The following PTK2B variants were observed in gnomAD, a reference collection of about 807,000 sequenced individuals.
The protein encoded by PTK2B is protein-tyrosine kinase 2-beta.
A neutral mutation model predicts 142.9 loss-of-function variants in PTK2B; 71 were observed. The observed-to-expected ratio is 0.50, with a 90% CI of 0.41 to 0.61. PTK2B has a LOEUF of 0.61. Ranked by LOEUF, PTK2B falls within the 20% of genes least tolerant of loss-of-function variation. PTK2B has a pLI of 0.00. For synonymous variants in PTK2B, 519 were observed against 503.4 expected (o/e 1.03, Z -0.42); for missense variants, 1,105 against 1,320.4 (o/e 0.84, Z 2.53).
intron 1 of PTK2B, among the ~76,000 whole-genome samples, chr8:27,388,590 T>C (rs1807516357): frequency 1.3e-5 from 2 of 152,208 alleles, no homozygotes; most frequent in Non-Finnish European, 2.9e-5. Context: ...TTTTGCCCAG[T>C]CTGTCGCTGT....
intron 20 of PTK2B, among the ~76,000 whole-genome samples, chr8:27,439,697 T>A (rs1428144865): frequency 6.6e-6 from 1 of 152,130 alleles, no homozygotes; most frequent in Non-Finnish European, 1.5e-5. Flanking sequence ...TGACTTATTC[T>A]GAGAGAGGTA....
intron 1 of PTK2B, among the ~76,000 whole-genome samples, chr8:27,373,718 A>C (rs1232110945): frequency 6.6e-6 from 1 of 152,174 alleles, no homozygotes; most frequent in East Asian, 1.9e-4. Context: ...TGGAGATTTC[A>C]CATTAAAACT....
At chr8:27,346,930 C>A (rs796345059) in intron 1 of PTK2B, among the ~76,000 whole-genome samples, 29 of 152,312 alleles carry the variant, frequency 1.9e-4, no homozygotes, top group African/African-American at 6.3e-4. Flanking sequence ...GTTTGACAGC[C>A]CTCAGTGATA....
At chr8:27,346,378 A>T (rs1174728430) in intron 1 of PTK2B, among the ~76,000 whole-genome samples, 1 of 152,162 alleles carries the variant, frequency 6.6e-6, no homozygotes, top group Admixed American at 6.5e-5. Flanking sequence ...CCACACAAAA[A>T]AAATACAAAA....
chr8:27,372,462 G>T (rs1806418406), intron 1 of PTK2B, among the ~76,000 whole-genome samples: 2 of 152,116 alleles, frequency 1.3e-5, no homozygotes, highest in Non-Finnish European at 2.9e-5. Flanking sequence ...TTACTCAGCA[G>T]GGGGGTCAGC....
At chr8:27,429,826 C>G (rs193238168) in intron 5 of PTK2B, among the ~76,000 whole-genome samples, 1 of 152,320 alleles carries the variant, frequency 6.6e-6, no homozygotes, top group African/African-American at 2.4e-5. Context: ...ATGGAGCCAC[C>G]ATCTTCCTCC....
chr8:27,442,933 C>G lies in PTK2B; in HGVS notation c.2098C>G (p.Arg700Gly). ...AMEQERNARYRTPKILEPTAF... is the reference protein window; with the variant it reads ...AMEQERNARYGTPKILEPTAF... The stretch of plus-strand genomic sequence containing the variant: ...GGAGCAAGAGAGGAATGCTCGCTAC[C>G]GAACCCCCAAAATCTTGGAGCCCAC... The change falls in exon 22 of 31, where the codon CGA becomes GGA. Residue 700 changes from arginine to glycine, a missense_variant. Physicochemically the swap from Arg to Gly is moderately radical, Grantham distance 125 (BLOSUM62 -2). Coordinates refer to ENST00000346049, the MANE Select transcript of PTK2B (RefSeq NM_173176.3). The G allele has an allele frequency of 1.2e-6, 2 of 1,614,152 alleles. No individual in the cohort carries two copies. Among genetic ancestry groups the G allele is most frequent in the Non-Finnish European group, 1.7e-6 (2 of 1,180,006 alleles).
intron 1 of PTK2B, among the ~76,000 whole-genome samples, chr8:27,368,255 T>G (rs1806135143): frequency 6.6e-6 from 1 of 152,224 alleles, no homozygotes; most frequent in Admixed American, 6.5e-5. Flanking sequence ...TTCCTTCCAC[T>G]GACAAGGACT....
In PTK2B at chr8:27,420,638, C is replaced by T. The variant is rs1809686328; in HGVS notation, c.384-19C>T. ...ACCAGCTTCTCTGTGTCAACCAGAG[C>T]CTGAATGTCTTGTTGCAGGTATGAC... On this transcript the variant is annotated intron_variant, in intron 3 of 30. Coordinates refer to ENST00000346049, the MANE Select transcript of PTK2B (RefSeq NM_173176.3). 1 of 1,607,828 alleles carries T rather than the reference C, an allele frequency of 6.2e-7. No homozygotes were observed. Among genetic ancestry groups the T allele is most frequent in the South Asian group, 1.1e-5 (1 of 90,948 alleles).
In PTK2B at chr8:27,436,327, T is replaced by C. The variant is rs1336699507; in HGVS notation, c.1320T>C (p.Tyr440=). ...GGGAAGGCTTTTTTGGGGAGGTCTA[T>C]GAAGGTGTCTACACAAATCACGTGA... is the stretch of plus-strand genomic sequence containing the variant. ...ILGEGFFGEV[Y]EGVYTNHKGE... is the part of the protein sequence containing the mutation. Residue 440 remains tyrosine, a synonymous_variant, in exon 15 of 31, where the codon TAT becomes TAC. Transcript: ENST00000346049. 6 of 1,613,734 alleles carry C rather than the reference T, an allele frequency of 3.7e-6. No homozygotes were observed. The African/African-American group carries it at 4.0e-5, about 11-fold the overall frequency.
chr8:27,397,745 A>T lies in PTK2B; in HGVS notation c.161A>T (p.Lys54Ile). 1 of 1,614,264 alleles carries T rather than the reference A, an allele frequency of 6.2e-7. No individual in the cohort carries two copies. The highest frequency in any genetic ancestry group is 2.2e-5 in the East Asian group (1 of 44,888). ...TATAGCAACAGCTTCAATCCTGGGA[A>T]AAACTTCAAACTGGTCAAATGCACT... ...CFYSNSFNPG[K>I]NFKLVKCTVQ... Residue 54 changes from lysine to isoleucine, a missense_variant, in exon 2 of 31, where the codon AAA (lysine) becomes ATA (isoleucine). Physicochemically the swap from Lys to Ile is moderately radical, Grantham distance 102. Coordinates refer to ENST00000346049, the MANE Select transcript of PTK2B (RefSeq NM_173176.3).
chr8:27,445,648 G>C (rs1006531898), intron 23 of PTK2B, 146 bp from the exon 24 acceptor site: 1 of 1,184,882 alleles, frequency 8.4e-7, no homozygotes, highest in Non-Finnish European at 1.2e-6. Flanking sequence ...GAAGGCCCAC[G>C]TTTTGTTCTT....
intron 17 of PTK2B, 21 bp downstream of exon 17, chr8:27,437,517 A>T (rs750014305): frequency 6.4e-7 from 1 of 1,564,786 alleles, no homozygotes; most frequent in Middle Eastern, 1.7e-4. Flanking sequence ...GGACCCTGCG[A>T]TGACAACTGG....
chr8:27,311,307 C>G (rs1399151986), upstream of PTK2B: 3 of 1,434,904 alleles, frequency 2.1e-6, no homozygotes, highest in East Asian at 2.6e-5. Context: ...TGCCAACGCC[C>G]GCGACCCGAG....
chr8:27,452,874 C>G (rs566396373), intron 27 of PTK2B: 178 of 569,404 alleles, frequency 3.1e-4, no homozygotes, highest in Non-Finnish European at 5.1e-4. Context: ...TGCAATCCCC[C>G]CATCTTGCTG....
intron 1 of PTK2B, among the ~76,000 whole-genome samples, chr8:27,376,438 T>G (rs1292991585): frequency 6.6e-6 from 1 of 152,174 alleles, no homozygotes; most frequent in East Asian, 1.9e-4. Flanking sequence ...CAAACCCTCA[T>G]GTTTCTTTTT....
intron 1 of PTK2B, among the ~76,000 whole-genome samples, chr8:27,376,498 A>G (rs1256616836): frequency 6.6e-6 from 1 of 152,244 alleles, no homozygotes; most frequent in African/African-American, 2.4e-5. Flanking sequence ...GGAGCTAGGT[A>G]AAATGAGGCT....
intron 1 of PTK2B, among the ~76,000 whole-genome samples, chr8:27,395,825 G>A (rs1206869356): frequency 6.6e-6 from 1 of 152,102 alleles, no homozygotes; most frequent in African/African-American, 2.4e-5. Flanking sequence ...GATGTTTCCT[G>A]GGGTTACCTC....
chr8:27,437,984 G>T, intron 18 of PTK2B, 104 bp downstream of exon 18: 1 of 1,014,894 alleles, frequency 9.9e-7, no homozygotes. Context: ...GAGCAGTGTT[G>T]GAATCCCAGC....
Sources: allele counts gnomAD v4.1 joint callset (sites outside exome capture counted in the v4.1 genomes callset), GRCh38; gene constraint gnomAD v4.1.1; transcripts MANE v1.5; gene names NCBI Gene and HGNC (gene_info 2026-07-23, HGNC 2026-07-21).